Variants in KIAA1328 observed in about 807,000 individuals in gnomAD.
KIAA1328 encodes the protein KIAA1328, also known as protein hinderin.
In KIAA1328, 52 loss-of-function variants were observed where a neutral mutation model predicts 68.1. The observed-to-expected ratio is 0.76, with a 90% CI of 0.61 to 0.96. The LOEUF (loss-of-function observed/expected upper bound fraction) is 0.96, where lower values mean the gene tolerates loss of function less well. Ranked by LOEUF, KIAA1328 falls within the 40% of genes least tolerant of loss-of-function variation. The pLI, the probability that KIAA1328 is intolerant of heterozygous loss-of-function variation, is 0.00. For missense variants in KIAA1328, 641 were observed against 677.6 expected (o/e 0.95, Z 0.60); for synonymous variants, 232 against 239.4 (o/e 0.97, Z 0.28).
intron 9 of KIAA1328, among the ~76,000 whole-genome samples, chr18:37,210,196 C>T (rs1044564776): frequency 6.6e-6 from 1 of 152,154 alleles, no homozygotes; most frequent in Non-Finnish European, 1.5e-5. Context: ...TCAAACTGGC[C>T]TTTCTTGAAT....
chr18:37,118,187 G>A (rs375008938), intron 7 of KIAA1328, among the ~76,000 whole-genome samples: 108 of 151,962 alleles, frequency 7.1e-4, no homozygotes, highest in African/African-American at 2.4e-3. Flanking sequence ...TAGAGATGAC[G>A]TTTTGCTATG....
intron 6 of KIAA1328, among the ~76,000 whole-genome samples, chr18:36,984,075 G>T (rs1340654910): frequency 6.6e-6 from 1 of 151,960 alleles, no homozygotes; most frequent in Admixed American, 6.6e-5. Flanking sequence ...AAAACCTTTG[G>T]CAAACTGGAA....
intron 9 of KIAA1328, among the ~76,000 whole-genome samples, chr18:37,177,148 G>A (rs2059611402): frequency 6.6e-6 from 1 of 152,058 alleles, no homozygotes; most frequent in Admixed American, 6.6e-5. Flanking sequence ...AATTTGACTG[G>A]GAAAGAAGGC....
chr18:37,115,535 A>G (rs535911900), intron 7 of KIAA1328, among the ~76,000 whole-genome samples: 1 of 152,234 alleles, frequency 6.6e-6, no homozygotes, highest in South Asian at 2.1e-4. Flanking sequence ...AGAGCTATTT[A>G]TGACAAACCC....
At chr18:36,995,219 G>C (rs749188926) in intron 6 of KIAA1328, among the ~76,000 whole-genome samples, 21 of 152,098 alleles carry the variant, frequency 1.4e-4, no homozygotes, top group Non-Finnish European at 1.9e-4. Flanking sequence ...TTGGTTTTCT[G>C]ATCTTGTGAT....
intron 7 of KIAA1328, among the ~76,000 whole-genome samples, chr18:37,084,839 A>G (rs1250452785): frequency 6.6e-6 from 1 of 152,152 alleles, no homozygotes; most frequent in Non-Finnish European, 1.5e-5. Context: ...CACATTGCCA[A>G]ACTGTTTTGT....
intron 7 of KIAA1328, among the ~76,000 whole-genome samples, chr18:37,145,158 T>C (rs1568462766): frequency 6.6e-6 from 1 of 151,892 alleles, no homozygotes; most frequent in African/African-American, 2.4e-5. Context: ...TGAGCCATGA[T>C]CGCACCACTG....
chr18:37,102,310 A>G (rs1178050902), intron 7 of KIAA1328, among the ~76,000 whole-genome samples: 1 of 152,194 alleles, frequency 6.6e-6, no homozygotes, highest in Admixed American at 6.5e-5. Flanking sequence ...GGAAGAATAC[A>G]TATTGGATGC....
intron 7 of KIAA1328, among the ~76,000 whole-genome samples, chr18:37,112,409 G>C (rs1434542136): frequency 6.6e-6 from 1 of 152,170 alleles, no homozygotes; most frequent in South Asian, 2.1e-4. Flanking sequence ...CAGGCAAACA[G>C]CATCTGGAGT....
At chr18:36,893,837 G>C (rs1448869041) in intron 5 of KIAA1328, among the ~76,000 whole-genome samples, 4 of 152,044 alleles carry the variant, frequency 2.6e-5, no homozygotes, top group Non-Finnish European at 5.9e-5. Flanking sequence ...CTAGAACTCT[G>C]CCCACTTAGA....
intron 6 of KIAA1328, among the ~76,000 whole-genome samples, chr18:37,033,463 G>A (rs180848260): frequency 7.9e-5 from 12 of 152,244 alleles, no homozygotes; most frequent in African/African-American, 2.4e-4. Context: ...AGTCTGTAGG[G>A]TAGTCTTTTC....
chr18:36,921,637 C>T (rs2049928827), intron 5 of KIAA1328, among the ~76,000 whole-genome samples: 1 of 152,146 alleles, frequency 6.6e-6, no homozygotes, highest in Non-Finnish European at 1.5e-5. Flanking sequence ...ATCACCTGAC[C>T]TCGTGATCCA....
At chr18:37,231,142 T>C (rs2060662361), downstream of KIAA1328, 1 of 152,272 alleles carries the variant, frequency 6.6e-6, no homozygotes, top group Admixed American at 6.5e-5. Context: ...CATAGTACTC[T>C]GTAGAGCCTT....
intron 6 of KIAA1328, among the ~76,000 whole-genome samples, chr18:36,962,076 T>C (rs4578744): frequency 0.11 from 16,168 of 152,184 alleles, 1,093 homozygotes; most frequent in Non-Finnish European, 0.13. Flanking sequence ...ACCCATCTCA[T>C]GTGCAGAGAC....
chr18:36,839,045 A>AT (rs1056876165), intron 3 of KIAA1328, among the ~76,000 whole-genome samples: 3 of 151,962 alleles, frequency 2.0e-5, no homozygotes, highest in African/African-American at 7.2e-5. Flanking sequence ...CCTTGGAGTA[A>AT]TTTTTAAAGT....
intron 5 of KIAA1328, among the ~76,000 whole-genome samples, chr18:36,952,033 G>T (rs1332375474): frequency 6.6e-6 from 1 of 152,150 alleles, no homozygotes; most frequent in Non-Finnish European, 1.5e-5. Context: ...TTGAGATCTA[G>T]CCCCTGTTGA....
At chr18:37,175,612 G>A (rs544622318) in intron 9 of KIAA1328, among the ~76,000 whole-genome samples, 24 of 152,112 alleles carry the variant, frequency 1.6e-4, no homozygotes, top group African/African-American at 5.8e-4. Context: ...AAAAATCAGA[G>A]TACTATGAAA....
rs78746926 is a variant in KIAA1328, at chr18:36,964,891, C to CT, written c.576+5468dup. The stretch of plus-strand genomic sequence containing the variant: ...TTCTTGTTATAGGAGTGTGTTACTT[C>CT]TTTTTTTTTTTTGGAATCTAAACTT... On this transcript the variant is annotated intron_variant, in intron 6 of 9. Transcript: ENST00000280020. 7.4e-3 allele frequency among the ~76,000 whole-genome samples: 1,070 copies of CT among 144,900 alleles called. 10 individuals are homozygous for CT. The highest frequency in any genetic ancestry group is 0.022 in the African/African-American group (860 of 39,610).
At chr18:37,096,412 A>C (rs951138327) in intron 7 of KIAA1328, among the ~76,000 whole-genome samples, 7 of 152,108 alleles carry the variant, frequency 4.6e-5, no homozygotes, top group South Asian at 4.1e-4. Context: ...TGAACTCATC[A>C]TTTTTTATGG....
Sources: gnomAD v4.1 joint callset for allele counts (sites outside exome capture counted in the v4.1 genomes callset) on GRCh38, gnomAD v4.1.1 for gene constraint, MANE v1.5 for transcripts, NCBI Gene and HGNC (gene_info 2026-07-23, HGNC 2026-07-21) for gene names.